XKR6: variants seen among roughly 807,000 people sequenced by gnomAD.
XKR6 encodes XK-related protein 6.
Under a neutral mutation model 56.7 loss-of-function variants are expected in XKR6, and 22 were observed. The ratio of observed to expected loss-of-function variants is 0.39; its 90% confidence interval spans 0.28 to 0.55. The LOEUF is 0.55. Among genes scored for constraint, XKR6 ranks in the 20% least tolerant of loss-of-function variants. XKR6 has a pLI of 0.66. For missense variants in XKR6, 852 were observed against 889.0 expected, an observed-to-expected ratio of 0.96 and a Z score of 0.53; for synonymous variants, 524 against 387.8, an observed-to-expected ratio of 1.35 and a Z score of -4.13.
intron 1 of XKR6, among the ~76,000 whole-genome samples, chr8:11,194,130 AG>A (rs1803739126): frequency 1.3e-5 from 2 of 152,256 alleles, no homozygotes; most frequent in Admixed American, 1.3e-4. Flanking sequence ...CTTTAAAAAT[AG>A]ATTAAGTGAT....
chr8:11,099,760 T>A (rs1430529667), intron 1 of XKR6, among the ~76,000 whole-genome samples: 1 of 152,194 alleles, frequency 6.6e-6, no homozygotes, highest in Non-Finnish European at 1.5e-5. Context: ...TCCCTGAGCA[T>A]ATATTTAGCG....
intron 1 of XKR6, among the ~76,000 whole-genome samples, chr8:11,150,402 T>C (rs1801215958): frequency 6.6e-6 from 1 of 152,350 alleles, no homozygotes; most frequent in Non-Finnish European, 1.5e-5. Context: ...TTATGCTTTA[T>C]GCATAAGCCA....
chr8:11,087,544 G>C (rs1380618183), intron 1 of XKR6, among the ~76,000 whole-genome samples: 1 of 152,194 alleles, frequency 6.6e-6, no homozygotes, highest in Non-Finnish European at 1.5e-5. Flanking sequence ...TATAGGAAGA[G>C]ACCTCCTCTC....
At chr8:11,123,731 A>C in intron 1 of XKR6, 1 of 396,228 alleles carries the variant, frequency 2.5e-6, no homozygotes, top group Non-Finnish European at 5.1e-6. Flanking sequence ...AAGAAATCCA[A>C]TATGCACCCC....
chr8:11,109,091 A>G (rs958570939), intron 1 of XKR6: 3 of 152,246 alleles, frequency 2.0e-5, no homozygotes, highest in Admixed American at 6.5e-5. Context: ...AAGAAGGTGC[A>G]GATTCCCCAA....
intron 1 of XKR6, among the ~76,000 whole-genome samples, chr8:11,107,410 C>T (rs1253901985): frequency 6.6e-6 from 1 of 152,066 alleles, no homozygotes; most frequent in Non-Finnish European, 1.5e-5. Context: ...TATGTTAACT[C>T]CTGGCCTTGG....
At chr8:11,003,950 G>A (rs1163247508) in intron 1 of XKR6, among the ~76,000 whole-genome samples, 1 of 152,210 alleles carries the variant, frequency 6.6e-6, no homozygotes, top group Admixed American at 6.5e-5. Context: ...TTCAAGGAGA[G>A]GAGACAGCAG....
chr8:10,997,033 A>T (rs945472203), intron 1 of XKR6, among the ~76,000 whole-genome samples: 4 of 152,166 alleles, frequency 2.6e-5, no homozygotes, highest in Admixed American at 6.5e-5. Flanking sequence ...CTCCCACATC[A>T]ACAAACACAC....
intron 1 of XKR6, among the ~76,000 whole-genome samples, chr8:11,086,403 T>C: frequency 6.6e-6 from 1 of 152,106 alleles, no homozygotes. Context: ...TTCGCTGTTA[T>C]CCATAAATGG....
chr8:11,171,919 G>A (rs1459228004), intron 1 of XKR6, among the ~76,000 whole-genome samples: 1 of 151,996 alleles, frequency 6.6e-6, no homozygotes, highest in Non-Finnish European at 1.5e-5. Flanking sequence ...CAGCCGTGGT[G>A]GCAGGTGCCT....
At chr8:10,911,110 C>T (rs1281448837) in intron 2 of XKR6, among the ~76,000 whole-genome samples, 1 of 152,052 alleles carries the variant, frequency 6.6e-6, no homozygotes, top group East Asian at 1.9e-4. Flanking sequence ...GGCAAATGCA[C>T]TGACTCTCTC....
intron 1 of XKR6, among the ~76,000 whole-genome samples, chr8:10,981,298 T>A (rs1370147958): frequency 6.6e-6 from 1 of 152,174 alleles, no homozygotes; most frequent in Admixed American, 6.5e-5. Flanking sequence ...ATGGCAGGAT[T>A]AACTCTAGCA....
chr8:11,112,375 A>C (rs866639352), intron 1 of XKR6, among the ~76,000 whole-genome samples: 1 of 152,202 alleles, frequency 6.6e-6, no homozygotes, highest in Non-Finnish European at 1.5e-5. Context: ...GATGCTCTTC[A>C]AAGTTGTTCT....
At chr8:10,969,241 A>G (rs192556124) in intron 1 of XKR6, among the ~76,000 whole-genome samples, 2 of 152,266 alleles carry the variant, frequency 1.3e-5, no homozygotes, top group East Asian at 3.9e-4. Flanking sequence ...ACTTAGATGC[A>G]TGGTTCCTGA....
chr8:11,082,812 A>G (rs1586520479), intron 1 of XKR6, among the ~76,000 whole-genome samples: 1 of 152,248 alleles, frequency 6.6e-6, no homozygotes, highest in African/African-American at 2.4e-5. Flanking sequence ...AGACTGAGTG[A>G]TGTTAAAGCT....
At chr8:11,088,132 G>A (rs1032078793) in intron 1 of XKR6, among the ~76,000 whole-genome samples, 2 of 152,212 alleles carry the variant, frequency 1.3e-5, no homozygotes, top group Non-Finnish European at 2.9e-5. Flanking sequence ...TCAGTGTCAG[G>A]TCAGAAAGAT....
chr8:11,010,967 T>C (rs1798487065), intron 1 of XKR6, among the ~76,000 whole-genome samples: 1 of 152,202 alleles, frequency 6.6e-6, no homozygotes, highest in East Asian at 1.9e-4. Flanking sequence ...GCCTTCTCTA[T>C]GCCAGGTATT....
chr8:11,052,974 G>A (rs961095136), intron 1 of XKR6, among the ~76,000 whole-genome samples: 1 of 152,212 alleles, frequency 6.6e-6, no homozygotes, highest in African/African-American at 2.4e-5. Flanking sequence ...TGGTCACAGT[G>A]CTGAGGGGCT....
intron 1 of XKR6, among the ~76,000 whole-genome samples, chr8:10,957,600 A>C (rs1162974436): frequency 6.6e-6 from 1 of 152,182 alleles, no homozygotes; most frequent in Non-Finnish European, 1.5e-5. Flanking sequence ...AACAGGAAGG[A>C]AAATGAGAGG....
Sources: gnomAD v4.1 joint callset for allele counts (sites outside exome capture counted in the v4.1 genomes callset) on GRCh38, gnomAD v4.1.1 for gene constraint, MANE v1.5 for transcripts, NCBI Gene and HGNC (gene_info 2026-07-23, HGNC 2026-07-21) for gene names.